Variants in ATG10 observed in about 807,000 individuals in gnomAD.
ATG10 encodes ubiquitin-like-conjugating enzyme ATG10.
Under a neutral mutation model 32.1 loss-of-function variants are expected in ATG10, and 30 were observed. That is an observed-to-expected ratio of 0.94 (90% CI 0.70 to 1.27). The LOEUF (loss-of-function observed/expected upper bound fraction) is 1.27, where lower values mean the gene tolerates loss of function less well. ATG10 is among the 50% of genes most tolerant of loss of function. The pLI, the probability that ATG10 is intolerant of heterozygous loss-of-function variation, is 0.00. For missense variants in ATG10, 233 were observed against 262.3 expected (o/e 0.89, Z 0.77); for synonymous variants, 87 against 91.5 (o/e 0.95, Z 0.28).
intron 3 of ATG10, among the ~76,000 whole-genome samples, chr5:82,144,704 A>G (rs1448361224): frequency 3.5e-5 from 5 of 143,804 alleles, no homozygotes; most frequent in Non-Finnish European, 6.1e-5. Context: ...AAATTTATTT[A>G]AGATGTCTTT....
At position 82,164,466 on chromosome 5, in the gene ATG10, A is replaced by G; in HGVS notation, c.284A>G (p.Lys95Arg). The G allele has an allele frequency of 1.2e-6, 2 of 1,613,724 alleles. No homozygotes were observed. The highest frequency in any genetic ancestry group is 1.7e-6 in the Non-Finnish European group (2 of 1,179,656). ...ACTGCAGCAGCGTCCGAAGTGATTAAATATGAGTATCATGTCTTATATTCC... is the reference window on the plus strand; with the variant it reads ...ACTGCAGCAGCGTCCGAAGTGATTAGATATGAGTATCATGTCTTATATTCC... Reference protein sequence around the residue: ...IETAAASEVIKYEYHVLYSCS... With the variant: ...IETAAASEVIRYEYHVLYSCS... Residue 95 changes from lysine (K) to arginine (R), a missense_variant, in exon 4 of 8, where the codon AAA (lysine) becomes AGA (arginine). By Grantham distance (26) the Lys-to-Arg change is conservative. Transcript: ENST00000282185.
At chr5:82,082,800 A>G (rs770590228) in intron 3 of ATG10, among the ~76,000 whole-genome samples, 1 of 152,182 alleles carries the variant, frequency 6.6e-6, no homozygotes, top group African/African-American at 2.4e-5. Context: ...GATAATTCCA[A>G]TCATGGTTGT....
At chr5:81,987,431 AT>A in intron 1 of ATG10, 127 bp from the exon 2 acceptor site, 1 of 653,174 alleles carries the variant, frequency 1.5e-6, no homozygotes, top group Non-Finnish European at 2.6e-6. Flanking sequence ...GGCCAAAACC[AT>A]TTTTTAGTGG....
intron 3 of ATG10, among the ~76,000 whole-genome samples, chr5:82,084,609 G>C (rs1206135864): frequency 6.6e-6 from 1 of 152,210 alleles, no homozygotes; most frequent in Admixed American, 6.5e-5. Context: ...ACAAAGGGAA[G>C]CCCATCAGAC....
At chr5:82,188,451 C>A (rs1203264237) in intron 5 of ATG10, among the ~76,000 whole-genome samples, 1 of 152,108 alleles carries the variant, frequency 6.6e-6, no homozygotes, top group Non-Finnish European at 1.5e-5. Context: ...AAATAAAATA[C>A]CATTTAAAAT....
chr5:82,090,693 G>A (rs1410864830), intron 3 of ATG10, among the ~76,000 whole-genome samples: 2 of 152,134 alleles, frequency 1.3e-5, no homozygotes, highest in Non-Finnish European at 2.9e-5. Context: ...CTGTATCAGT[G>A]TATCAGTGCA....
chr5:82,072,443 A>G (rs751208330), intron 3 of ATG10, among the ~76,000 whole-genome samples: 22 of 152,162 alleles, frequency 1.4e-4, no homozygotes, highest in Non-Finnish European at 2.9e-4. Context: ...TAAGATCCAT[A>G]GCTTATTTAT....
At chr5:82,219,801 GA>G (rs1477302101) in intron 5 of ATG10, among the ~76,000 whole-genome samples, 1 of 152,172 alleles carries the variant, frequency 6.6e-6, no homozygotes, top group East Asian at 1.9e-4. Flanking sequence ...GGACTTATTA[GA>G]ATCTGAGAAG....
At chr5:82,101,462 A>T (rs1178240287) in intron 3 of ATG10, among the ~76,000 whole-genome samples, 1 of 152,156 alleles carries the variant, frequency 6.6e-6, no homozygotes, top group East Asian at 1.9e-4. Flanking sequence ...GGCTGCTATG[A>T]AGGCTGGAAA....
chr5:82,042,973 C>T (rs1561269857), intron 2 of ATG10, among the ~76,000 whole-genome samples: 2 of 152,264 alleles, frequency 1.3e-5, no homozygotes, highest in Admixed American at 1.3e-4. Context: ...GGACAGTGGC[C>T]CTTTTCTCAC....
intron 3 of ATG10, among the ~76,000 whole-genome samples, chr5:82,083,753 G>C (rs1458175932): frequency 3.3e-5 from 5 of 152,222 alleles, no homozygotes; most frequent in African/African-American, 1.2e-4. Context: ...CAGACCTGCA[G>C]TTGAGGGTCC....
chr5:82,127,528 A>G (rs563540326), intron 3 of ATG10, among the ~76,000 whole-genome samples: 1 of 152,056 alleles, frequency 6.6e-6, no homozygotes, highest in African/African-American at 2.4e-5. Flanking sequence ...TTGTGCCTTA[A>G]TTTTCATTAT....
chr5:82,117,602 C>T (rs192316915), intron 3 of ATG10, among the ~76,000 whole-genome samples: 5,158 of 152,154 alleles, frequency 0.034, 286 homozygotes, highest in African/African-American at 0.12. Flanking sequence ...GTAACTACGC[C>T]GTCCTTGACC....
At chr5:82,171,673 G>T (rs1743814199) in intron 4 of ATG10, among the ~76,000 whole-genome samples, 1 of 152,142 alleles carries the variant, frequency 6.6e-6, no homozygotes, top group African/African-American at 2.4e-5. Flanking sequence ...TGCTATAGCT[G>T]CATCTGCTTA....
chr5:82,197,579 G>T (rs1214625253), intron 5 of ATG10, among the ~76,000 whole-genome samples: 1 of 151,876 alleles, frequency 6.6e-6, no homozygotes, highest in East Asian at 1.9e-4. Context: ...TTGGTATTTG[G>T]ATGTGGCATG....
At chr5:82,007,715 A>T (rs1581591914) in intron 2 of ATG10, among the ~76,000 whole-genome samples, 1 of 152,252 alleles carries the variant, frequency 6.6e-6, no homozygotes, top group East Asian at 1.9e-4. Flanking sequence ...GGGCCTCCCA[A>T]AGTGTTAACG....
chr5:82,230,542 G>T (rs896701784), intron 5 of ATG10, among the ~76,000 whole-genome samples: 2 of 151,866 alleles, frequency 1.3e-5, no homozygotes, highest in Non-Finnish European at 2.9e-5. Flanking sequence ...AACCATCCTG[G>T]CTAACATGGT....
At chr5:82,111,961 C>T (rs1255332224) in intron 3 of ATG10, among the ~76,000 whole-genome samples, 12 of 152,000 alleles carry the variant, frequency 7.9e-5, no homozygotes, top group Non-Finnish European at 4.4e-5. Context: ...AAAGGGCATA[C>T]AGGGACAATT....
At chr5:82,107,723 G>A (rs1406463389) in intron 3 of ATG10, among the ~76,000 whole-genome samples, 2 of 151,972 alleles carry the variant, frequency 1.3e-5, no homozygotes, top group African/African-American at 2.4e-5. Context: ...GAGAGTCAAA[G>A]GTGAATACTC....
Sources: gnomAD v4.1 joint callset for allele counts (sites outside exome capture counted in the v4.1 genomes callset) on GRCh38, gnomAD v4.1.1 for gene constraint, MANE v1.5 for transcripts, NCBI Gene and HGNC (gene_info 2026-07-23, HGNC 2026-07-21) for gene names.